The following ANKRD30B variants were observed in gnomAD, a reference collection of about 807,000 sequenced individuals.
ANKRD30B encodes ankyrin repeat domain 30B.
Under a neutral mutation model 202.2 loss-of-function variants are expected in ANKRD30B, and 144 were observed. The observed-to-expected ratio is 0.71, with a 90% CI of 0.62 to 0.82. The LOEUF is 0.82. Ranked by LOEUF, ANKRD30B falls within the 40% of genes least tolerant of loss-of-function variation. ANKRD30B has a pLI of 0.00. For synonymous variants in ANKRD30B, 508 were observed against 561.3 expected (o/e 0.91, Z 1.34); for missense variants, 1,487 against 1,669.1 (o/e 0.89, Z 1.90).
chr18:14,793,398 C>G (rs1968655705), intron 16 of ANKRD30B, among the ~76,000 whole-genome samples: 1 of 152,094 alleles, frequency 6.6e-6, no homozygotes, highest in Non-Finnish European at 1.5e-5. Context: ...GTGTAGCATT[C>G]TATGTTCAGC....
Position 14,828,292 on chromosome 18 carries a change from G to A in ANKRD30B, c.2758G>A (p.Val920Ile), listed in dbSNP as rs188043452. 6.4e-5 allele frequency: 98 copies of A among 1,533,306 alleles called. No homozygotes were observed. The African/African-American group carries it at 1.1e-3, about 17-fold the overall frequency. The allele number at this position is 1,533,306 out of a possible 1,614,324, so 95.0% of individuals were successfully genotyped here. The change falls in exon 33 of 44, where the codon GTA (valine) becomes ATA (isoleucine). Residue 920 changes from valine to isoleucine, a missense_variant. Coordinates refer to ENST00000690538, the MANE Select transcript of ANKRD30B (RefSeq NM_001367607.2). The part of the protein sequence containing the change: ...ETFKAEDVSS[V>I]ESTFSLFGKP... ...TTCTTTAATAGAGGATGTGAGTTCT[G>A]TAGAGTCCACATTCAGGTAAGACTT...
chr18:14,759,377 C>T (rs1477242908), intron 5 of ANKRD30B: 6 of 152,160 alleles, frequency 3.9e-5, no homozygotes, highest in Non-Finnish European at 5.9e-5. Flanking sequence ...CCCAGGATTG[C>T]ACTTGTGATT....
chr18:14,919,842 A>G, the ANKRD30B span, among the ~76,000 whole-genome samples: 1 of 152,198 alleles, frequency 6.6e-6, no homozygotes, highest in African/African-American at 2.4e-5. Flanking sequence ...AAATGTTTAA[A>G]AACGTTCTGC....
At chr18:14,937,754 G>A in the ANKRD30B span, among the ~76,000 whole-genome samples, 1 of 152,064 alleles carries the variant, frequency 6.6e-6, no homozygotes, top group Non-Finnish European at 1.5e-5. Flanking sequence ...TCGTTGCTTC[G>A]CCTTTCGTTG....
chr18:14,770,018 A>G (rs1916871021), intron 8 of ANKRD30B, among the ~76,000 whole-genome samples: 4 of 152,200 alleles, frequency 2.6e-5, no homozygotes. Flanking sequence ...TAGAGGCTAT[A>G]TCTTATAGAA....
At chr18:14,819,496 G>C (rs1393076606) in intron 30 of ANKRD30B, among the ~76,000 whole-genome samples, 1 of 151,906 alleles carries the variant, frequency 6.6e-6, no homozygotes, top group Non-Finnish European at 1.5e-5. Flanking sequence ...ATGGTTTTAG[G>C]TCTAACGTTT....
At chr18:14,839,345 TC>T (rs1971313285) in intron 36 of ANKRD30B, among the ~76,000 whole-genome samples, 1 of 152,092 alleles carries the variant, frequency 6.6e-6, no homozygotes, top group Non-Finnish European at 1.5e-5. Flanking sequence ...CCATTTAATC[TC>T]CCATCTCAAA....
At chr18:14,853,674 A>C (rs1971980844) in intron 42 of ANKRD30B, among the ~76,000 whole-genome samples, 135 bp from the exon 43 acceptor site, 1 of 152,158 alleles carries the variant, frequency 6.6e-6, no homozygotes, top group Non-Finnish European at 1.5e-5. Flanking sequence ...TGTGTCCTTA[A>C]GTAAATTCAC....
At position 14,796,546 on chromosome 18, in the gene ANKRD30B, A is replaced by G. The variant is rs549314673; in HGVS notation, c.1927+131A>G. The stretch of plus-strand genomic sequence containing the variant: ...GGAAAATTTGAAACAAATAATGCCA[A>G]TGTTAGCATTTATGTTTGAGAAAAT... On this transcript the variant is annotated intron_variant, in intron 18 of 43. Coordinates refer to ENST00000690538, the MANE Select transcript of ANKRD30B (RefSeq NM_001367607.2). The G allele has an allele frequency of 5.1e-6, 6 of 1,174,582 alleles. No individual in the cohort carries two copies. In the South Asian group the frequency reaches 5.1e-5, roughly 10 times the overall value. The allele number at this position is 1,174,582 out of a possible 1,614,324, so 72.8% of individuals were successfully genotyped here.
At chr18:14,908,544 G>A in the ANKRD30B span, among the ~76,000 whole-genome samples, 1 of 152,168 alleles carries the variant, frequency 6.6e-6, no homozygotes, top group Admixed American at 6.6e-5. Context: ...CACTGTGCCT[G>A]CCAGCCCCCT....
chr18:14,798,406 C>T (rs1214387472), intron 20 of ANKRD30B, among the ~76,000 whole-genome samples: 1 of 152,080 alleles, frequency 6.6e-6, no homozygotes, highest in Non-Finnish European at 1.5e-5. Flanking sequence ...TAATTTCTAA[C>T]AGAGCCTTAA....
At chr18:14,936,368 T>G in the ANKRD30B span, among the ~76,000 whole-genome samples, 1 of 151,994 alleles carries the variant, frequency 6.6e-6, no homozygotes, top group Non-Finnish European at 1.5e-5. Flanking sequence ...TCCTCCACCT[T>G]CCTCCCTCTT....
At chr18:14,871,871 G>A in the ANKRD30B span, among the ~76,000 whole-genome samples, 3 of 152,192 alleles carry the variant, frequency 2.0e-5, no homozygotes, top group Non-Finnish European at 4.4e-5. Context: ...TACAATGAGG[G>A]TCCAGAGTAT....
chr18:14,808,361 A>C (rs906003077), intron 24 of ANKRD30B, 190 bp from the exon 25 acceptor site: 2 of 641,054 alleles, frequency 3.1e-6, no homozygotes, highest in Admixed American at 4.4e-5. Flanking sequence ...TTATTTTTTA[A>C]ATTTTCTTAA....
chr18:14,845,689 T>TA (rs1229044338), intron 39 of ANKRD30B, among the ~76,000 whole-genome samples: 35 of 152,018 alleles, frequency 2.3e-4, no homozygotes, highest in Non-Finnish European at 2.9e-4. Context: ...GCCTAGTATT[T>TA]AAAAAATCTA....
In ANKRD30B at chr18:14,833,578, C is replaced by A. The variant is rs116859968; in HGVS notation, c.2847+2123C>A. 6.2e-3 allele frequency among the ~76,000 whole-genome samples: 940 copies of A among 152,208 alleles called. 4 individuals carry two copies. Among genetic ancestry groups the A allele is most frequent in the Middle Eastern group, 0.024 (7 of 294 alleles). On this transcript the variant is annotated intron_variant, in intron 34 of 43. Transcript: ENST00000690538. ...TGAAACATTCATTTTTAAATTTTTT[C>A]TCTCTCTGTAGTAAGAATATTCTCG... is the stretch of plus-strand genomic sequence containing the variant.
chr18:14,878,456 C>T, the ANKRD30B span, among the ~76,000 whole-genome samples: 4 of 151,776 alleles, frequency 2.6e-5, no homozygotes, highest in Non-Finnish European at 5.9e-5. Context: ...CCTTCTTTCT[C>T]GATTCTAAGG....
chr18:14,748,411 G>A lies in ANKRD30B; in HGVS notation c.-9G>A. 3 of 1,478,656 alleles carry A rather than the reference G, an allele frequency of 2.0e-6. No homozygotes were observed. The highest frequency in any genetic ancestry group is 2.7e-6 in the Non-Finnish European group (3 of 1,111,730). 91.6% of individuals were successfully genotyped at this position (1,478,656 alleles called of 1,614,324 possible). A position where few individuals can be genotyped will look rare whatever the true frequency, so the allele number is the denominator to read the frequency against. On this transcript the variant is annotated 5_prime_UTR_variant, in exon 1 of 44. Coordinates refer to ENST00000690538, the MANE Select transcript of ANKRD30B (RefSeq NM_001367607.2). ...AGGCGCGGGCTCTCTCTAGCAGGGG[G>A]CTGCAGCCATGAAGAGGCTCTTAGC...
intron 1 of ANKRD30B, among the ~76,000 whole-genome samples, chr18:14,750,636 CT>C (rs1421406262): frequency 6.6e-6 from 1 of 152,084 alleles, no homozygotes; most frequent in Non-Finnish European, 1.5e-5. Context: ...AATTTCTTTT[CT>C]GAGCACTGCT....
Sources: gnomAD v4.1 joint callset for allele counts (sites outside exome capture counted in the v4.1 genomes callset) on GRCh38, gnomAD v4.1.1 for gene constraint, MANE v1.5 for transcripts, NCBI Gene and HGNC (gene_info 2026-07-23, HGNC 2026-07-21) for gene names.